The following MYO5B variants were observed in gnomAD, a reference collection of about 807,000 sequenced individuals.
MYO5B encodes the protein myosin VB, also known as unconventional myosin-Vb.
A neutral mutation model predicts 229.3 loss-of-function variants in MYO5B; 143 were observed. That is an observed-to-expected ratio of 0.62 (90% CI 0.54 to 0.72). MYO5B has a LOEUF of 0.72. Ranked by LOEUF, MYO5B falls within the 30% of genes least tolerant of loss-of-function variation. MYO5B has a pLI of 0.00. For missense variants in MYO5B, 2,321 were observed against 2,331.0 expected, an observed-to-expected ratio of 1.00 and a Z score of 0.09; for synonymous variants, 918 against 885.2, an observed-to-expected ratio of 1.04 and a Z score of -0.66.
intron 21 of MYO5B, among the ~76,000 whole-genome samples, chr18:49,897,440 A>G (rs1295879792): frequency 2.0e-5 from 3 of 152,226 alleles, no homozygotes; most frequent in Non-Finnish European, 4.4e-5. Flanking sequence ...GTAAAAAAAA[A>G]TTTTTAAACT....
intron 39 of MYO5B, among the ~76,000 whole-genome samples, chr18:49,831,542 C>T (rs1173906260): frequency 6.6e-6 from 1 of 152,092 alleles, no homozygotes; most frequent in Non-Finnish European, 1.5e-5. Flanking sequence ...GATACAAATC[C>T]AAACCACAAT....
intron 4 of MYO5B, among the ~76,000 whole-genome samples, chr18:50,018,434 A>C (rs1032680246): frequency 6.6e-5 from 10 of 152,200 alleles, no homozygotes; most frequent in Admixed American, 1.3e-4. Flanking sequence ...TATATGCTAT[A>C]AACTGTCTAG....
At chr18:50,159,560 G>C (rs893174871) in intron 1 of MYO5B, among the ~76,000 whole-genome samples, 1 of 152,066 alleles carries the variant, frequency 6.6e-6, no homozygotes, top group Non-Finnish European at 1.5e-5. Flanking sequence ...CCAGGCCACC[G>C]TGCTTCTCAT....
intron 17 of MYO5B, among the ~76,000 whole-genome samples, chr18:49,915,535 C>T (rs1421288822): frequency 6.6e-6 from 1 of 152,276 alleles, no homozygotes; most frequent in African/African-American, 2.4e-5. Flanking sequence ...GAAAGGGTTG[C>T]TCTGCCCTTT....
intron 1 of MYO5B, among the ~76,000 whole-genome samples, chr18:50,093,913 C>T (rs1034946063): frequency 2.0e-5 from 3 of 152,166 alleles, no homozygotes; most frequent in South Asian, 2.1e-4. Context: ...ACCCCTTTCC[C>T]GGAAAACTCA....
chr18:50,016,216 T>C (rs1306151894), intron 4 of MYO5B, among the ~76,000 whole-genome samples: 2 of 152,212 alleles, frequency 1.3e-5, no homozygotes, highest in East Asian at 3.8e-4. Flanking sequence ...TTTTTCTTTT[T>C]ATTTTGTTTG....
Position 49,871,573 on chromosome 18 carries a change from A to G in MYO5B, c.3603+594T>C, listed in dbSNP as rs111734531. On this transcript the variant is annotated intron_variant, in intron 27 of 39. Coordinates refer to ENST00000285039, the MANE Select transcript of MYO5B (RefSeq NM_001080467.3). ...ATTTATTTTTTGACAAGTCAAGTGC[A>G]GCAGTAAGACAGGGGAAGGAATAGA... 1,075 of 156,514 alleles carry G rather than the reference A, an allele frequency of 6.9e-3. 16 individuals carry two copies. Among genetic ancestry groups the G allele is most frequent in the African/African-American group, 0.02 (840 of 41,592 alleles). 9.7% of individuals were successfully genotyped at this position (156,514 alleles called of 1,614,324 possible).
chr18:49,901,376 T>G (rs2024839756), intron 21 of MYO5B, among the ~76,000 whole-genome samples: 1 of 152,210 alleles, frequency 6.6e-6, no homozygotes, highest in Non-Finnish European at 1.5e-5. Context: ...GTTCTGTGCT[T>G]GTCTCGAATC....
intron 10 of MYO5B, among the ~76,000 whole-genome samples, chr18:49,967,575 T>C (rs911918595): frequency 6.6e-6 from 1 of 152,214 alleles, no homozygotes; most frequent in Non-Finnish European, 1.5e-5. Context: ...GGAATGATTA[T>C]TAGAAGTCAC....
intron 10 of MYO5B, among the ~76,000 whole-genome samples, chr18:49,965,209 C>A (rs2025609115): frequency 6.6e-6 from 1 of 152,138 alleles, no homozygotes; most frequent in African/African-American, 2.4e-5. Context: ...ATGAGAGGGC[C>A]TCAAATGACC....
intron 23 of MYO5B, chr18:49,879,322 A>G (rs2024561387): frequency 1.8e-6 from 1 of 551,890 alleles, no homozygotes; most frequent in South Asian, 2.0e-5. Flanking sequence ...ATGGGGAGAG[A>G]GAAGTTGGCA....
At chr18:50,038,654 G>A (rs1205642838) in intron 3 of MYO5B, among the ~76,000 whole-genome samples, 1 of 152,126 alleles carries the variant, frequency 6.6e-6, no homozygotes, top group Non-Finnish European at 1.5e-5. Context: ...AGCATCTAGT[G>A]CTTCCTGGAT....
intron 14 of MYO5B, among the ~76,000 whole-genome samples, chr18:49,938,686 C>G (rs567365522): frequency 6.6e-6 from 1 of 152,156 alleles, no homozygotes; most frequent in Non-Finnish European, 1.5e-5. Context: ...CCCACTCACC[C>G]CTCTCAGACA....
chr18:50,129,948 C>T (rs796674868), intron 1 of MYO5B, among the ~76,000 whole-genome samples: 1 of 152,154 alleles, frequency 6.6e-6, no homozygotes, highest in South Asian at 2.1e-4. Context: ...ACTTTTTTTC[C>T]CAATGACCAC....
chr18:49,913,791 G>A (rs2024983475), intron 17 of MYO5B, among the ~76,000 whole-genome samples: 1 of 151,942 alleles, frequency 6.6e-6, no homozygotes, highest in African/African-American at 2.4e-5. Flanking sequence ...CCAAACCCCA[G>A]GCTCCAAAGG....
chr18:50,052,933 T>A (rs1410126442), intron 2 of MYO5B, among the ~76,000 whole-genome samples: 2 of 152,150 alleles, frequency 1.3e-5, no homozygotes, highest in African/African-American at 4.8e-5. Context: ...CTGATGTTAA[T>A]CCTTTGCTGA....
rs189172056 is a variant in MYO5B at position 50,050,639 on chromosome 18, G to A, written c.138+4629C>T. Among the ~76,000 whole-genome samples the A allele has an allele frequency of 3.9e-5, 6 of 152,252 alleles. No individual in the cohort carries two copies. The East Asian group carries it at 9.7e-4, about 25-fold the overall frequency. On this transcript the variant is annotated intron_variant, in intron 2 of 39. Coordinates refer to ENST00000285039, the MANE Select transcript of MYO5B (RefSeq NM_001080467.3). ...AGCATGACCTGAAATGCTCAACGCC[G>A]CTCTGGTGACTAACACCTTCAGGCC...
At chr18:49,864,656 T>C (rs536382265) in intron 27 of MYO5B, among the ~76,000 whole-genome samples, 1 of 152,366 alleles carries the variant, frequency 6.6e-6, no homozygotes, top group African/African-American at 2.4e-5. Context: ...CTAAACATGT[T>C]TGGCTGTGAA....
chr18:49,980,487 A>G lies in MYO5B; in HGVS notation c.1013T>C (p.Val338Ala). 2 of 1,614,072 alleles carry G rather than the reference A, an allele frequency of 1.2e-6. No individual in the cohort carries two copies. Among genetic ancestry groups the G allele is most frequent in the Non-Finnish European group, 1.7e-6 (2 of 1,179,936 alleles). Residue 338 changes from valine to alanine, a missense_variant, in exon 9 of 40, where the codon GTG (valine) becomes GCG (alanine). This residue lies in a region of MYO5B where 2,113 missense variants were observed against 2,044.7 expected (regional missense o/e 1.03). Transcript: ENST00000285039. ...ACCATCACGCTCAGCCTGAATCGCC[A>G]CACTTCCAAGGTGCAAGATAGAAGC... ...IIASILHLGS[V>A]AIQAERDGDS...
Sources: allele counts gnomAD v4.1 joint callset (sites outside exome capture counted in the v4.1 genomes callset), GRCh38; gene constraint gnomAD v4.1.1; regional missense constraint gnomAD v4.1.1; transcripts MANE v1.5; gene names NCBI Gene and HGNC (gene_info 2026-07-23, HGNC 2026-07-21).